Variants in DENND1C observed in about 807,000 individuals in gnomAD.
DENND1C encodes the protein DENN domain containing 1C, also known as DENN domain-containing protein 1C.
Under a neutral mutation model 87.9 loss-of-function variants are expected in DENND1C, and 64 were observed. The ratio of observed to expected loss-of-function variants is 0.73; its 90% confidence interval spans 0.60 to 0.90. The LOEUF is 0.90. DENND1C is among the 40% of genes least tolerant of loss of function. DENND1C has a pLI of 0.00. For missense variants in DENND1C, 980 were observed against 1,037.0 expected, an observed-to-expected ratio of 0.95 and a Z score of 0.76; for synonymous variants, 384 against 424.4, an observed-to-expected ratio of 0.90 and a Z score of 1.17.
Position 6,468,402 on chromosome 19 carries a change from C to G in DENND1C, c.1623G>C (p.Trp541Cys), listed in dbSNP as rs750683187. ...AGCTGCTGTCCAGAGCTTCTTCTGC[C>G]CACGGGCACCCCTCATCCTCAGGGC... ...PLSPEDEGCP[W>C]AEEALDSSFL... The change falls in exon 22 of 23, where the codon TGG becomes TGC. Residue 541 changes from tryptophan to cysteine, a missense_variant. Physicochemically the swap from Trp to Cys is radical, Grantham distance 215. Transcript: ENST00000381480. 2 of 1,613,722 alleles carry G rather than the reference C, an allele frequency of 1.2e-6. No homozygotes were observed. Among genetic ancestry groups the G allele is most frequent in the South Asian group, 2.2e-5 (2 of 91,004 alleles).
intron 1 of DENND1C, 78 bp downstream of exon 1, chr19:6,481,601 C>T (rs1373411922): frequency 6.3e-7 from 1 of 1,598,046 alleles, no homozygotes; most frequent in South Asian, 1.1e-5. Flanking sequence ...CCTGCTCCAG[C>T]CCCAGCTCCC....
At position 6,477,021 on chromosome 19, in the gene DENND1C, C is replaced by G. The variant is rs374379397; in HGVS notation, c.567+53G>C. The G allele has an allele frequency of 4.3e-6, 7 of 1,613,410 alleles. No individual in the cohort carries two copies. The East Asian group carries it at 1.6e-4, about 36-fold the overall frequency. On this transcript the variant is annotated intron_variant, in intron 9 of 22. Coordinates refer to ENST00000381480, the MANE Select transcript of DENND1C (RefSeq NM_024898.4). The stretch of plus-strand genomic sequence containing the variant: ...GGACGGGCCCCTGGATCTTGCATCC[C>G]CGGTCCGGGTTTCGGGACCTGTTCT...
At chr19:6,473,725 C>T (rs539231124) in intron 14 of DENND1C, among the ~76,000 whole-genome samples, 4 of 149,168 alleles carry the variant, frequency 2.7e-5, no homozygotes, top group East Asian at 2.0e-4. Flanking sequence ...ACACCTTGGC[C>T]TCTCAAAAGT....
At chr19:6,470,126 A>G (rs2092819288) in intron 18 of DENND1C, 169 bp downstream of exon 18, 2 of 639,228 alleles carry the variant, frequency 3.1e-6, no homozygotes, top group Non-Finnish European at 5.2e-6. Context: ...TAAAAAATAA[A>G]AGGGGGAAGA....
Position 6,468,857 on chromosome 19 carries a change from G to A in DENND1C, c.1504C>T (p.His502Tyr). ...AGGGGCGCTCTCACCTTTCCAAAGT[G>A]CTGAGTGATTGGGAGGCGTTGCTGC... is the stretch of plus-strand genomic sequence containing the variant. ...RLQQRLPITQ[H>Y]FGKNRPLRPS... Residue 502 changes from histidine to tyrosine, a missense_variant, in exon 20 of 23, where the codon CAC (histidine) becomes TAC (tyrosine). Physicochemically the swap from His to Tyr is moderately conservative, Grantham distance 83 (BLOSUM62 2). Coordinates refer to ENST00000381480, the MANE Select transcript of DENND1C (RefSeq NM_024898.4). 6.6e-7 allele frequency: 1 copy of A among 1,516,666 alleles called. No individual in the cohort carries two copies. The highest frequency in any genetic ancestry group is 8.8e-7 in the Non-Finnish European group (1 of 1,139,186). 94.0% of individuals were successfully genotyped at this position (1,516,666 alleles called of 1,614,324 possible).
chr19:6,475,471 G>A lies in DENND1C; in HGVS notation c.927+13C>T. The stretch of plus-strand genomic sequence containing the variant: ...GCCTCCCGGGGCAGGAAGGTGGGAG[G>A]GGCGACACTGACCACGTCTGGAGGC... On this transcript the variant is annotated intron_variant, in intron 13 of 22. Transcript: ENST00000381480. 6.2e-7 allele frequency: 1 copy of A among 1,613,804 alleles called. No homozygotes were observed.
intron 10 of DENND1C, chr19:6,476,175 G>T (rs976541842): frequency 1.9e-6 from 1 of 516,598 alleles, no homozygotes; most frequent in Admixed American, 3.9e-5. Flanking sequence ...TGTAAGGGGC[G>T]CAGTTAATAG....
At chr19:6,470,392 GA>G (rs2092820921) in intron 17 of DENND1C, 26 bp from the exon 18 acceptor site, 2 of 1,606,694 alleles carry the variant, frequency 1.2e-6, no homozygotes, top group Non-Finnish European at 1.7e-6. Context: ...TACCAAGGGG[GA>G]GAGGCTAGGG....
At position 6,473,578 on chromosome 19, in the gene DENND1C, C is replaced by T. The variant is rs2145192415; in HGVS notation, c.1054-585G>A. 2.0e-5 allele frequency among the ~76,000 whole-genome samples: 3 copies of T among 147,694 alleles called. No homozygotes were observed. In the South Asian group the frequency reaches 6.3e-4, roughly 31 times the overall value. ...CTCTGCCTCCTGAGCTCAAGCGATC[C>T]TCCCACCTCAGCCTCTCAAGTAGCT... is the stretch of plus-strand genomic sequence containing the variant. On this transcript the variant is annotated intron_variant, in intron 14 of 22. Coordinates refer to ENST00000381480, the MANE Select transcript of DENND1C (RefSeq NM_024898.4).
Position 6,478,781 on chromosome 19 carries a change from A to C in DENND1C, c.366+2T>G. ...CAGGAGTGAGAGAGGGGCTGGTCTC[A>C]CTTGGTCCTGGGCTAGGAGGTCTCC... On this transcript the variant is annotated splice_donor_variant, in intron 6 of 22. Coordinates refer to ENST00000381480, the MANE Select transcript of DENND1C (RefSeq NM_024898.4). LOFTEE classifies it high-confidence loss of function. 6.2e-7 allele frequency: 1 copy of C among 1,611,392 alleles called. No individual in the cohort carries two copies. The highest frequency in any genetic ancestry group is 8.5e-7 in the Non-Finnish European group (1 of 1,178,878).
rs752082679 is a variant in DENND1C, at chr19:6,468,308, T to C, written c.1717A>G (p.Ser573Gly). 2.5e-6 allele frequency: 4 copies of C among 1,613,818 alleles called. No homozygotes were observed. The Admixed American group carries it at 6.7e-5, about 27-fold the overall frequency. ...ILDSLSMGAK[S>G]AGSLRPSQSL... ...TGGCTCGGTCTCAGGCTGCCTGCGCTCTTGGCTCCCATGCTAAGACTGTCC... is the reference window on the plus strand; with the variant it reads ...TGGCTCGGTCTCAGGCTGCCTGCGCCCTTGGCTCCCATGCTAAGACTGTCC... The change falls in exon 22 of 23, where the codon AGC (serine) becomes GGC (glycine). Residue 573 changes from serine to glycine, a missense_variant. Physicochemically the swap from Ser to Gly is moderately conservative, Grantham distance 56. Transcript: ENST00000381480.
At chr19:6,470,764 G>GCTACACCTA (rs2092824459) in intron 17 of DENND1C, among the ~76,000 whole-genome samples, 1 of 151,324 alleles carries the variant, frequency 6.6e-6, no homozygotes, top group African/African-American at 2.4e-5. Context: ...TGGGACTACA[G>GCTACACCTA]GCGCCTGCCA....
chr19:6,468,476 A>T (rs753903368), intron 21 of DENND1C, 35 bp from the exon 22 acceptor site: 2 of 1,592,486 alleles, frequency 1.3e-6, no homozygotes. Flanking sequence ...ATATTTGCCC[A>T]AGACCCCCAG....
At chr19:6,471,827 G>A (rs1444184771) in intron 15 of DENND1C, among the ~76,000 whole-genome samples, 1 of 152,102 alleles carries the variant, frequency 6.6e-6, no homozygotes, top group African/African-American at 2.4e-5. Flanking sequence ...ATTGTTTGTA[G>A]AGACAGGGTT....
intron 1 of DENND1C, among the ~76,000 whole-genome samples, chr19:6,481,156 C>T (rs1278698353): frequency 1.3e-5 from 2 of 151,400 alleles, no homozygotes; most frequent in Non-Finnish European, 2.9e-5. Flanking sequence ...TCCTCTGCCC[C>T]CATATCAAGC....
Position 6,469,632 on chromosome 19 carries a change from A to G in DENND1C, c.1371T>C (p.Ser457=). Residue 457 remains serine (S), a synonymous_variant, in exon 19 of 23, where the codon AGT becomes AGC. Transcript: ENST00000381480. ...AVKNMYRSAK[S]GLKGVQSLLM... ...GAAGGCTCTGCACCCCCTTCAAGCC[A>G]CTCTTGGCCTATAAAGGAGTGGACA... The G allele has an allele frequency of 6.2e-7, 1 of 1,605,808 alleles. No homozygotes were observed. The highest frequency in any genetic ancestry group is 8.5e-7 in the Non-Finnish European group (1 of 1,176,452).
At chr19:6,473,187 G>A (rs913098230) in intron 14 of DENND1C, among the ~76,000 whole-genome samples, 194 bp from the exon 15 acceptor site, 2 of 152,154 alleles carry the variant, frequency 1.3e-5, no homozygotes, top group Non-Finnish European at 2.9e-5. Flanking sequence ...ACGGAGTCTC[G>A]CTCTGTCGCC....
rs763610563 is a variant in DENND1C, at chr19:6,479,658, CCCTTCCGTA to C, written c.176+2_176+10del. ...GTCCCTGAGTCCTTGGATCTCCCCG[CCCTTCCGTA>C]CCTTTCCACATCAAAAGGGAAGCAG... On this transcript the variant is annotated splice_donor_variant and splice_donor_5th_base_variant and intron_variant, in intron 4 of 22. Coordinates refer to ENST00000381480, the MANE Select transcript of DENND1C (RefSeq NM_024898.4). LOFTEE classifies it high-confidence loss of function. 1 of 1,613,862 alleles carries C rather than the reference CCCTTCCGTA, an allele frequency of 6.2e-7. No homozygotes were observed.
rs1164458518 is a variant in DENND1C at position 6,479,029 on chromosome 19, A to G, written c.204T>C (p.His68=). ...EREPPSPAVQ[H]FTFALTDLAG... ...CAAGGTCTGTGAGGGCGAAGGTGAA[A>G]TGCTGCACGGCGGGGCTGGGGGGCT... Residue 68 remains histidine (H), a synonymous_variant, in exon 5 of 23, where the codon CAT becomes CAC. Transcript: ENST00000381480. 3 of 1,613,830 alleles carry G rather than the reference A, an allele frequency of 1.9e-6. No individual in the cohort carries two copies. The highest frequency in any genetic ancestry group is 1.6e-4 in the Middle Eastern group (1 of 6,062).
Sources: gnomAD v4.1 joint callset for allele counts (sites outside exome capture counted in the v4.1 genomes callset) on GRCh38, gnomAD v4.1.1 for gene constraint, MANE v1.5 for transcripts, NCBI Gene and HGNC (gene_info 2026-07-23, HGNC 2026-07-21) for gene names.